The following SCRG1 variants were observed in gnomAD, a reference collection of about 807,000 sequenced individuals.
SCRG1 encodes stimulator of chondrogenesis 1, also known as scrapie-responsive protein 1.
Under a neutral mutation model 7.7 loss-of-function variants are expected in SCRG1, and 3 were observed. That is an observed-to-expected ratio of 0.39 (90% CI 0.18 to 1.01). SCRG1 has a LOEUF of 1.01. Among genes scored for constraint, SCRG1 ranks in the 50% least tolerant of loss-of-function variants. The pLI is 0.36. For synonymous variants in SCRG1, 46 were observed against 41.2 expected, an observed-to-expected ratio of 1.12 and a Z score of -0.44; for missense variants, 110 against 117.2, an observed-to-expected ratio of 0.94 and a Z score of 0.28.
At chr4:173,443,943 T>TTGTGTGTGTGTGTGTG in the SCRG1 span, among the ~76,000 whole-genome samples, 2 of 138,696 alleles carry the variant, frequency 1.4e-5, no homozygotes, top group African/African-American at 5.4e-5. Context: ...AGAGCTTGTT[T>TTGTGTGTGTGTGTGTG]TGTGTGTGTG....
At chr4:173,516,905 G>A in the SCRG1 span, among the ~76,000 whole-genome samples, 9 of 152,208 alleles carry the variant, frequency 5.9e-5, no homozygotes, top group Non-Finnish European at 7.3e-5. Context: ...ACGTGAAGGG[G>A]GCCGAGAGAG....
At chr4:173,411,652 T>G in the SCRG1 span, among the ~76,000 whole-genome samples, 1 of 152,370 alleles carries the variant, frequency 6.6e-6, no homozygotes, top group African/African-American at 2.4e-5. Context: ...CTTTAAACTA[T>G]GTATCATGAA....
At chr4:173,460,539 A>G in the SCRG1 span, among the ~76,000 whole-genome samples, 2 of 152,200 alleles carry the variant, frequency 1.3e-5, no homozygotes, top group African/African-American at 2.4e-5. Context: ...CCTTGCCCCA[A>G]GACAGTGTTT....
At chr4:173,469,280 T>C in the SCRG1 span, 3 of 152,196 alleles carry the variant, frequency 2.0e-5, no homozygotes, top group Non-Finnish European at 4.4e-5. Flanking sequence ...CTGTAATCAA[T>C]TAAATCTTTT....
chr4:173,459,789 G>A, the SCRG1 span, among the ~76,000 whole-genome samples: 2 of 152,084 alleles, frequency 1.3e-5, no homozygotes, highest in Non-Finnish European at 2.9e-5. Context: ...TGGTTAATGG[G>A]TACGAAAGTA....
chr4:173,390,027 T>A (rs769104711), intron 2 of SCRG1: 7 of 250,410 alleles, frequency 2.8e-5, no homozygotes, highest in Non-Finnish European at 5.1e-5. Context: ...TTATCTACCA[T>A]CATTTTATAC....
chr4:173,517,494 G>T, the SCRG1 span, among the ~76,000 whole-genome samples: 1 of 151,890 alleles, frequency 6.6e-6, no homozygotes, highest in South Asian at 2.1e-4. Context: ...TTTTTTTCTG[G>T]AGAGGGCTGA....
the SCRG1 span, among the ~76,000 whole-genome samples, chr4:173,461,141 A>G: frequency 2.0e-5 from 3 of 152,214 alleles, no homozygotes; most frequent in Admixed American, 2.0e-4. Context: ...GGGCCTGGAA[A>G]ATCTTGCTGC....
the SCRG1 span, among the ~76,000 whole-genome samples, chr4:173,415,439 T>A: frequency 0.014 from 2,177 of 152,324 alleles, 21 homozygotes; most frequent in Non-Finnish European, 0.023. Flanking sequence ...TTTGAGTGTT[T>A]TGTATCATGA....
At chr4:173,464,677 T>C in the SCRG1 span, among the ~76,000 whole-genome samples, 3 of 152,148 alleles carry the variant, frequency 2.0e-5, no homozygotes, top group African/African-American at 7.2e-5. Flanking sequence ...TGAAAGACAG[T>C]TTGGCAGTTT....
chr4:173,445,667 A>T, the SCRG1 span, among the ~76,000 whole-genome samples: 3 of 147,950 alleles, frequency 2.0e-5, no homozygotes, highest in African/African-American at 4.9e-5. Context: ...CTCTTTAAGG[A>T]TATTTTTTTT....
At chr4:173,490,021 AG>A in the SCRG1 span, among the ~76,000 whole-genome samples, 2 of 152,218 alleles carry the variant, frequency 1.3e-5, no homozygotes, top group Non-Finnish European at 2.9e-5. Flanking sequence ...TTCATAAAGC[AG>A]GTGATTATGG....
chr4:173,461,270 C>T, the SCRG1 span, among the ~76,000 whole-genome samples: 1 of 152,168 alleles, frequency 6.6e-6, no homozygotes, highest in Admixed American at 6.5e-5. Flanking sequence ...TGGGTGAGAC[C>T]CAGCACTGTG....
chr4:173,447,683 G>A, the SCRG1 span, among the ~76,000 whole-genome samples: 1 of 151,994 alleles, frequency 6.6e-6, no homozygotes, highest in Non-Finnish European at 1.5e-5. Context: ...CTCACTTTTA[G>A]TTTCCAATTT....
At chr4:173,450,905 C>A in the SCRG1 span, among the ~76,000 whole-genome samples, 1 of 152,008 alleles carries the variant, frequency 6.6e-6, no homozygotes, top group Non-Finnish European at 1.5e-5. Context: ...CCACGAGCAG[C>A]AAAGGGATAC....
chr4:173,468,257 A>G, the SCRG1 span: 1 of 152,448 alleles, frequency 6.6e-6, no homozygotes, highest in Non-Finnish European at 1.5e-5. Flanking sequence ...TCAGTGCAGT[A>G]ACATGCTGTC....
At chr4:173,440,989 T>C in the SCRG1 span, among the ~76,000 whole-genome samples, 1 of 152,242 alleles carries the variant, frequency 6.6e-6, no homozygotes, top group East Asian at 1.9e-4. Flanking sequence ...CTTGATTCGG[T>C]CTGAAAGTAC....
At chr4:173,502,549 A>G in the SCRG1 span, among the ~76,000 whole-genome samples, 2 of 152,044 alleles carry the variant, frequency 1.3e-5, no homozygotes, top group African/African-American at 4.8e-5. This position sits in a 1 kb window ranked among gnomAD's most constrained non-coding sequence, Gnocchi z 4.6. Flanking sequence ...CAAGTTTAAG[A>G]GATTTTACCA....
At chr4:173,479,441 T>TG in the SCRG1 span, among the ~76,000 whole-genome samples, 1 of 144,788 alleles carries the variant, frequency 6.9e-6, no homozygotes, top group African/African-American at 2.5e-5. Context: ...GTTTGTTTTT[T>TG]TGTTTTTTTT....
Sources: gnomAD v4.1 joint callset for allele counts (sites outside exome capture counted in the v4.1 genomes callset) on GRCh38, gnomAD v4.1.1 for gene constraint, Gnocchi (gnomAD v3.1) non-coding constraint, MANE v1.5 for transcripts, NCBI Gene and HGNC (gene_info 2026-07-23, HGNC 2026-07-21) for gene names.